Variants in CHN2 observed in about 807,000 individuals in gnomAD.
The protein encoded by CHN2 is chimerin 2.
CHN2 carries 35 observed loss-of-function variants against 56.3 expected under a neutral mutation model. That is an observed-to-expected ratio of 0.62 (90% CI 0.47 to 0.82). CHN2 has a LOEUF of 0.82. Among genes scored for constraint, CHN2 ranks in the 40% least tolerant of loss-of-function variants. The pLI is 0.00. For missense variants in CHN2, 491 were observed against 580.5 expected (o/e 0.85, Z 1.58); for synonymous variants, 210 against 212.8 (o/e 0.99, Z 0.12).
intron 1 of CHN2, among the ~76,000 whole-genome samples, chr7:29,229,364 C>T (rs1786487307): frequency 6.6e-6 from 1 of 152,018 alleles, no homozygotes; most frequent in Admixed American, 6.5e-5. Context: ...CTGGATATCA[C>T]AGCTATAAAC....
At chr7:29,324,598 G>C (rs928605548) in intron 1 of CHN2, among the ~76,000 whole-genome samples, 4 of 147,520 alleles carry the variant, frequency 2.7e-5, no homozygotes, top group Non-Finnish European at 6.0e-5. Context: ...TCTAACATCA[G>C]CTGTGACTTT....
chr7:29,217,488 C>G (rs1378081877), intron 1 of CHN2, among the ~76,000 whole-genome samples: 1 of 152,198 alleles, frequency 6.6e-6, no homozygotes, highest in Non-Finnish European at 1.5e-5. Flanking sequence ...TTAATACAAG[C>G]ACTTGGCACT....
chr7:29,379,797 AT>A (rs1800352400), intron 3 of CHN2, among the ~76,000 whole-genome samples: 2 of 152,200 alleles, frequency 1.3e-5, no homozygotes, highest in Non-Finnish European at 1.5e-5. Context: ...CGAAAACACT[AT>A]AAGCCATGCT....
At chr7:29,261,122 T>C (rs1256349337) in intron 1 of CHN2, among the ~76,000 whole-genome samples, 1 of 152,244 alleles carries the variant, frequency 6.6e-6, no homozygotes, top group African/African-American at 2.4e-5. Context: ...AGGAATTCTC[T>C]ATCCAGCTAG....
intron 6 of CHN2, among the ~76,000 whole-genome samples, chr7:29,462,108 A>G (rs1441664786): frequency 6.6e-6 from 1 of 152,260 alleles, no homozygotes; most frequent in Non-Finnish European, 1.5e-5. Flanking sequence ...GCAGGAAGCC[A>G]AAATACAAAT....
intron 1 of CHN2, among the ~76,000 whole-genome samples, chr7:29,273,326 C>CATATATAT (rs139183819): frequency 5.0e-5 from 4 of 79,784 alleles, no homozygotes; most frequent in Admixed American, 1.2e-4. Context: ...TTCCATCATG[C>CATATATAT]ATATATATAT....
chr7:29,202,602 A>G (rs1196168600), intron 1 of CHN2, among the ~76,000 whole-genome samples: 1 of 152,218 alleles, frequency 6.6e-6, no homozygotes, highest in African/African-American at 2.4e-5. Context: ...ATTTATTGAC[A>G]TAACTTAGAT....
At chr7:29,327,551 A>G (rs1236193903) in intron 1 of CHN2, among the ~76,000 whole-genome samples, 1 of 151,830 alleles carries the variant, frequency 6.6e-6, no homozygotes, top group Admixed American at 6.6e-5. Flanking sequence ...TGGACTGGAG[A>G]CTCTAAGTAT....
In CHN2 at chr7:29,352,191, G is replaced by A. The variant is rs28432849; in HGVS notation, c.50-2434G>A. On this transcript the variant is annotated intron_variant, in intron 1 of 12. Coordinates refer to ENST00000222792, the MANE Select transcript of CHN2 (RefSeq NM_004067.4). The stretch of plus-strand genomic sequence containing the variant: ...CATCTTCTGTCTTGAGACCTTCCCC[G>A]AGTATATAGAAGGCGGTGCTCTAGA... Among the ~76,000 whole-genome samples the A allele has an allele frequency of 6.6e-3, 1,012 of 152,206 alleles. 15 individuals are homozygous for A. Among genetic ancestry groups the A allele is most frequent in the African/African-American group, 0.022 (928 of 41,526 alleles).
At chr7:29,357,390 T>C (rs1798391865) in intron 2 of CHN2, among the ~76,000 whole-genome samples, 1 of 152,208 alleles carries the variant, frequency 6.6e-6, no homozygotes, top group South Asian at 2.1e-4. Flanking sequence ...AACTCTCTTT[T>C]GGTCATCCTG....
At chr7:29,231,426 G>A (rs1786699068) in intron 1 of CHN2, among the ~76,000 whole-genome samples, 1 of 152,134 alleles carries the variant, frequency 6.6e-6, no homozygotes, top group East Asian at 1.9e-4. Context: ...TCTTATCTAC[G>A]TATCTGTCTT....
intron 6 of CHN2, among the ~76,000 whole-genome samples, chr7:29,466,528 C>T (rs746277186): frequency 1.1e-4 from 17 of 152,188 alleles, no homozygotes; most frequent in Non-Finnish European, 1.8e-4. Context: ...TCATAGTGAT[C>T]TCTCTTGCAT....
At chr7:29,186,414 C>G (rs1798721446) in intron 2 of CHN2, 1 of 152,086 alleles carries the variant, frequency 6.6e-6, no homozygotes, top group Non-Finnish European at 1.5e-5. Flanking sequence ...AAAACCCTGT[C>G]TCCACTAAAA....
In CHN2 at chr7:29,311,954, G is replaced by T. The variant is rs1394025741; in HGVS notation, c.50-42671G>T. Among the ~76,000 whole-genome samples, 6 of 152,176 alleles carry T rather than the reference G, an allele frequency of 3.9e-5. 1 individual carries two copies. On this transcript the variant is annotated intron_variant, in intron 1 of 12. Coordinates refer to ENST00000222792, the MANE Select transcript of CHN2 (RefSeq NM_004067.4). ...CATGTCAAGGGCAAGTTAGGTAAAT[G>T]ATTGAGGTAATATTTAGATGACATT... is the stretch of plus-strand genomic sequence containing the variant.
intron 10 of CHN2, 92 bp downstream of exon 10, chr7:29,504,913 A>G: frequency 1.2e-6 from 1 of 845,042 alleles, no homozygotes; most frequent in Non-Finnish European, 1.9e-6. Flanking sequence ...GGGGTTTCAG[A>G]ACTACTAAGA....
chr7:29,305,387 A>G (rs1226840986), intron 1 of CHN2, among the ~76,000 whole-genome samples: 1 of 152,316 alleles, frequency 6.6e-6, no homozygotes, highest in Non-Finnish European at 1.5e-5. Context: ...CATATTCTAC[A>G]TGCTCTAAAT....
intron 1 of CHN2, among the ~76,000 whole-genome samples, chr7:29,298,105 G>C (rs770407332): frequency 6.6e-6 from 1 of 152,148 alleles, no homozygotes; most frequent in Non-Finnish European, 1.5e-5. Context: ...GAAGCAGGGC[G>C]GCCTAAAGCA....
chr7:29,408,910 C>T (rs77404944), intron 6 of CHN2, among the ~76,000 whole-genome samples: 4 of 152,200 alleles, frequency 2.6e-5, no homozygotes, highest in African/African-American at 9.7e-5. Flanking sequence ...AATTTAGAGA[C>T]ACGGCTCCCG....
At chr7:29,212,482 T>G (rs1389030799) in intron 1 of CHN2, 2 of 1,585,580 alleles carry the variant, frequency 1.3e-6, no homozygotes, top group Non-Finnish European at 1.7e-6. Flanking sequence ...TGGATCTGCT[T>G]ATTCAGGACA....
Sources: gnomAD v4.1 joint callset for allele counts (sites outside exome capture counted in the v4.1 genomes callset) on GRCh38, gnomAD v4.1.1 for gene constraint, MANE v1.5 for transcripts, NCBI Gene and HGNC (gene_info 2026-07-23, HGNC 2026-07-21) for gene names.